The following ST14 variants were observed in gnomAD, a reference collection of about 807,000 sequenced individuals.
ST14 encodes suppressor of tumorigenicity 14 protein.
Under a neutral mutation model 96.5 loss-of-function variants are expected in ST14, and 40 were observed. The observed-to-expected ratio is 0.41, with a 90% CI of 0.32 to 0.54. The LOEUF is 0.54. ST14 is among the 20% of genes least tolerant of loss of function. The pLI is 0.17. For missense variants in ST14, 1,066 were observed against 1,188.9 expected (o/e 0.90, Z 1.52); for synonymous variants, 506 against 492.1 (o/e 1.03, Z -0.37).
chr11:130,182,994 T>C (rs1953207157), intron 1 of ST14, among the ~76,000 whole-genome samples: 1 of 151,602 alleles, frequency 6.6e-6, no homozygotes, highest in East Asian at 1.9e-4. Flanking sequence ...TTCGCTCTTG[T>C]TGCCCAGGCT....
chr11:130,209,299 A>G, intron 17 of ST14, 143 bp from the exon 18 acceptor site: 2 of 1,106,418 alleles, frequency 1.8e-6, no homozygotes, highest in Non-Finnish European at 2.6e-6. Flanking sequence ...GAGCCCACTG[A>G]GTAGACGCGG....
chr11:130,196,581 A>T lies in ST14; in HGVS notation c.1235A>T (p.Glu412Val), dbSNP rs750832035. The T allele has an allele frequency of 6.3e-7, 1 of 1,584,234 alleles. No homozygotes were observed. Among genetic ancestry groups the T allele is most frequent in the Non-Finnish European group, 8.6e-7 (1 of 1,162,826 alleles). ...VEINGEKYCGERSQFVVTSNS... is the reference protein window; with the variant it reads ...VEINGEKYCGVRSQFVVTSNS... Reference sequence around the variant, plus strand: ...CGCCCCCCCTCCAGATACTGCGGAGAGAGGTCCCAGTTCGTCGTCACCAGC... The same window carrying T: ...CGCCCCCCCTCCAGATACTGCGGAGTGAGGTCCCAGTTCGTCGTCACCAGC... Residue 412 changes from glutamate (E) to valine (V), a missense_variant, in exon 11 of 19, where the codon GAG becomes GTG. Glu to Val is a moderately radical substitution (Grantham distance 121). Transcript: ENST00000278742.
At chr11:130,168,447 T>C (rs544970531) in intron 1 of ST14, among the ~76,000 whole-genome samples, 2 of 152,300 alleles carry the variant, frequency 1.3e-5, no homozygotes, top group South Asian at 4.1e-4. Context: ...ATGTAGAGCT[T>C]CCACTGGAGC....
chr11:130,210,001 C>A lies in ST14; in HGVS notation c.*178C>A. On this transcript the variant is annotated 3_prime_UTR_variant, in exon 19 of 19. Coordinates refer to ENST00000278742, the MANE Select transcript of ST14 (RefSeq NM_021978.4). ...GAAAACCTCTCGCTTCCTCAGCCTC[C>A]AAAGTGGAGCTGGGAGGTAGAAGGG... 1 of 762,312 alleles carries A rather than the reference C, an allele frequency of 1.3e-6. No individual in the cohort carries two copies. The highest frequency in any genetic ancestry group is 2.1e-6 in the Non-Finnish European group (1 of 483,246). The allele number at this position is 762,312 out of a possible 1,614,324, so 47.2% of individuals were successfully genotyped here.
At chr11:130,177,209 A>G (rs1322814793) in intron 1 of ST14, among the ~76,000 whole-genome samples, 1 of 151,988 alleles carries the variant, frequency 6.6e-6, no homozygotes, top group Non-Finnish European at 1.5e-5. Flanking sequence ...TTCCCACCTT[A>G]GCCAACCGGA....
rs1233042146 is a variant in ST14 at position 130,196,651 on chromosome 11, C to T, written c.1305C>T (p.Tyr435=). The change falls in exon 11 of 19, where the codon TAC becomes TAT. Residue 435 remains tyrosine, a synonymous_variant. Transcript: ENST00000278742. ...TTCGCTTCCACTCAGATCAGTCCTACACCGACACCGGCTTCTTAGCTGAAT... is the reference window on the plus strand; with the variant it reads ...TTCGCTTCCACTCAGATCAGTCCTATACCGACACCGGCTTCTTAGCTGAAT... ...ITVRFHSDQS[Y]TDTGFLAEYL... is the part of the protein sequence containing the mutation. The T allele has an allele frequency of 1.2e-6, 2 of 1,614,202 alleles. No individual in the cohort carries two copies. The highest frequency in any genetic ancestry group is 1.1e-5 in the South Asian group (1 of 91,080).
At chr11:130,165,325 C>A (rs1953032720) in intron 1 of ST14, among the ~76,000 whole-genome samples, 1 of 152,272 alleles carries the variant, frequency 6.6e-6, no homozygotes, top group East Asian at 1.9e-4. Context: ...ATTATAGAAA[C>A]CATTTGGTAG....
chr11:130,205,888 G>A (rs112008458), intron 16 of ST14, among the ~76,000 whole-genome samples: 5,644 of 151,854 alleles, frequency 0.037, 319 homozygotes, highest in African/African-American at 0.12. Context: ...TAGTAGAGAC[G>A]GGGTTTCACC....
At chr11:130,193,103 G>GT (rs34913703) in intron 7 of ST14, among the ~76,000 whole-genome samples, 58,654 of 148,614 alleles carry the variant, frequency 0.39, 12,387 homozygotes, top group East Asian at 0.73. Context: ...TGCCAGGCAT[G>GT]TTTTTTTTTT....
intron 7 of ST14, among the ~76,000 whole-genome samples, chr11:130,193,194 G>A (rs1356715538): frequency 6.6e-6 from 1 of 151,180 alleles, no homozygotes; most frequent in Non-Finnish European, 1.5e-5. Context: ...GGCTCAAGCA[G>A]TTCTCTGGCC....
At chr11:130,195,532 C>T (rs1953351323) in intron 9 of ST14, among the ~76,000 whole-genome samples, 1 of 152,180 alleles carries the variant, frequency 6.6e-6, no homozygotes, top group Non-Finnish European at 1.5e-5. Context: ...GCCATCCCAG[C>T]CAGAGCTGCC....
intron 16 of ST14, among the ~76,000 whole-genome samples, chr11:130,206,865 G>C (rs563781508): frequency 1.3e-5 from 2 of 151,998 alleles, no homozygotes; most frequent in African/African-American, 2.4e-5. Context: ...ACCATGCCCG[G>C]CCAGGGGCTG....
At chr11:130,165,576 A>G (rs900350401) in intron 1 of ST14, among the ~76,000 whole-genome samples, 1 of 152,214 alleles carries the variant, frequency 6.6e-6, no homozygotes, top group African/African-American at 2.4e-5. Context: ...GAATCCTGTG[A>G]TAGTTGGCTA....
intron 8 of ST14, 78 bp downstream of exon 8, chr11:130,194,366 T>C (rs1216485919): frequency 6.3e-7 from 1 of 1,583,530 alleles, no homozygotes; most frequent in Admixed American, 1.8e-5. Flanking sequence ...TGACCTGAGC[T>C]TAGGAGGCCA....
At position 130,189,736 on chromosome 11, in the gene ST14, C is replaced by T; in HGVS notation, c.441-3C>T. The T allele has an allele frequency of 2.5e-6, 4 of 1,611,504 alleles. No homozygotes were observed. The highest frequency in any genetic ancestry group is 3.4e-6 in the Non-Finnish European group (4 of 1,179,868). The stretch of plus-strand genomic sequence containing the variant: ...CCGCCTCAGGCTCCCGCTCTCTCCC[C>T]AGCGAGGGCAGCGTCATCGCCTACT... On this transcript the variant is annotated splice_polypyrimidine_tract_variant and splice_region_variant and intron_variant, in intron 4 of 18. Transcript: ENST00000278742.
In ST14 at chr11:130,196,418, C is replaced by T. The variant is rs1195068772; in HGVS notation, c.1193C>T (p.Pro398Leu). 2.5e-6 allele frequency: 4 copies of T among 1,610,392 alleles called. No individual in the cohort carries two copies. Among genetic ancestry groups the T allele is most frequent in the Non-Finnish European group, 2.5e-6 (3 of 1,178,654 alleles). Reference sequence around the variant, plus strand: ...CCCGGCGTGCCTGCGGGCACCTGCCCCAAGGACTACGTGGAGATCAACGGG... The same window carrying T: ...CCCGGCGTGCCTGCGGGCACCTGCCTCAAGGACTACGTGGAGATCAACGGG... The part of the protein sequence containing the change: ...LEPGVPAGTC[P>L]KDYVEINGEK... Residue 398 changes from proline (P) to leucine (L), a missense_variant, in exon 10 of 19, where the codon CCC becomes CTC. By Grantham distance (98) the Pro-to-Leu change is moderately conservative (BLOSUM62 -3). Transcript: ENST00000278742.
rs559830376 is a variant in ST14 at position 130,181,513 on chromosome 11, A to G, written c.82-6601A>G. On this transcript the variant is annotated intron_variant, in intron 1 of 18. Coordinates refer to ENST00000278742, the MANE Select transcript of ST14 (RefSeq NM_021978.4). The surrounding 1 kb of genome is among the most constrained non-coding windows in gnomAD (Gnocchi z 4.1). ...CCTGCAAAGATGTTTACTTTTAAGA[A>G]AGAGAGACAGGAGAAGTGAAAGCAG... 3.9e-5 allele frequency among the ~76,000 whole-genome samples: 6 copies of G among 152,332 alleles called. No individual in the cohort carries two copies. The East Asian group carries it at 7.7e-4, about 20-fold the overall frequency.
At chr11:130,192,737 T>C (rs1953317111) in intron 7 of ST14, among the ~76,000 whole-genome samples, 2 of 152,082 alleles carry the variant, frequency 1.3e-5, no homozygotes, top group South Asian at 4.1e-4. Flanking sequence ...TGTGTGTGTG[T>C]TAAGAAATAG....
At chr11:130,203,691 T>C (rs559085116) in intron 16 of ST14, among the ~76,000 whole-genome samples, 65 of 152,306 alleles carry the variant, frequency 4.3e-4, no homozygotes, top group Non-Finnish European at 4.1e-4. Context: ...TCACTTTTGT[T>C]GCCCAGGCTG....
Sources: gnomAD v4.1 joint callset for allele counts (sites outside exome capture counted in the v4.1 genomes callset) on GRCh38, gnomAD v4.1.1 for gene constraint, Gnocchi (gnomAD v3.1) non-coding constraint, MANE v1.5 for transcripts, NCBI Gene and HGNC (gene_info 2026-07-23, HGNC 2026-07-21) for gene names.